Variants in CALN1 observed in about 807,000 individuals in gnomAD.
CALN1 encodes the protein calneuron 1, also known as calcium-binding protein 8.
Under a neutral mutation model 30.6 loss-of-function variants are expected in CALN1, and 17 were observed. The ratio of observed to expected loss-of-function variants is 0.56; its 90% confidence interval spans 0.38 to 0.83. The LOEUF is 0.83. CALN1 is among the 40% of genes least tolerant of loss of function. The pLI, the probability that CALN1 is intolerant of heterozygous loss-of-function variation, is 0.00. For missense variants in CALN1, 291 were observed against 354.9 expected, an observed-to-expected ratio of 0.82 and a Z score of 1.45; for synonymous variants, 156 against 131.4, an observed-to-expected ratio of 1.19 and a Z score of -1.28.
intron 5 of CALN1, among the ~76,000 whole-genome samples, chr7:71,827,670 G>A (rs550848846): frequency 6.6e-6 from 1 of 152,102 alleles, no homozygotes; most frequent in African/African-American, 2.4e-5. Context: ...TACTCAGGAG[G>A]CTGAGGCAGG....
intron 1 of CALN1, among the ~76,000 whole-genome samples, chr7:72,403,940 G>A (rs1038687110): frequency 2.0e-5 from 3 of 152,114 alleles, no homozygotes; most frequent in South Asian, 2.1e-4. Context: ...CAATCCCAGG[G>A]CAATACCCTC....
At chr7:72,102,366 A>G (rs891044052) in intron 4 of CALN1, among the ~76,000 whole-genome samples, 2 of 152,130 alleles carry the variant, frequency 1.3e-5, no homozygotes, top group African/African-American at 4.8e-5. Context: ...AATAGCTTCA[A>G]TCTGGGAGAT....
intron 4 of CALN1, among the ~76,000 whole-genome samples, chr7:72,038,223 C>G (rs1801919553): frequency 6.6e-6 from 1 of 152,126 alleles, no homozygotes; most frequent in Non-Finnish European, 1.5e-5. Context: ...TCCTGGAACA[C>G]AAGTACAGTG....
intron 2 of CALN1, among the ~76,000 whole-genome samples, chr7:72,360,716 G>A (rs998794425): frequency 2.7e-5 from 4 of 148,508 alleles, no homozygotes; most frequent in South Asian, 2.2e-4. Context: ...CGTTGTGCAC[G>A]TGTACCCTAG....
chr7:72,157,737 G>A (rs957877836), intron 3 of CALN1, among the ~76,000 whole-genome samples: 1 of 150,500 alleles, frequency 6.6e-6, no homozygotes, highest in Non-Finnish European at 1.5e-5. Flanking sequence ...TAGTCAGTTA[G>A]TTTGTTTGTT....
chr7:72,443,721 T>G (rs1187435190), intron 1 of CALN1, among the ~76,000 whole-genome samples: 3 of 151,782 alleles, frequency 2.0e-5, no homozygotes, highest in African/African-American at 4.8e-5. Flanking sequence ...TTAGCCCCCA[T>G]CCCTTTACTT....
At chr7:72,094,083 G>T (rs1393160313) in intron 4 of CALN1, among the ~76,000 whole-genome samples, 2 of 152,172 alleles carry the variant, frequency 1.3e-5, no homozygotes, top group African/African-American at 2.4e-5. Flanking sequence ...TTGTCTCTAA[G>T]CCCATGGCTA....
intron 2 of CALN1, among the ~76,000 whole-genome samples, chr7:72,282,638 T>C (rs932674154): frequency 6.6e-6 from 1 of 152,210 alleles, no homozygotes; most frequent in Non-Finnish European, 1.5e-5. Flanking sequence ...ACAAAATCTA[T>C]AGGTGTCTCG....
At chr7:72,129,678 G>A (rs575718235) in intron 3 of CALN1, among the ~76,000 whole-genome samples, 1 of 152,286 alleles carries the variant, frequency 6.6e-6, no homozygotes, top group African/African-American at 2.4e-5. Flanking sequence ...AAATAAAAAT[G>A]CTTGGTTCAA....
intron 2 of CALN1, among the ~76,000 whole-genome samples, chr7:72,316,208 T>C (rs1800435409): frequency 1.3e-5 from 2 of 151,750 alleles, no homozygotes; most frequent in Admixed American, 1.3e-4. Context: ...AGATGTGCAA[T>C]ATTTTTCATT....
At chr7:71,883,123 A>ATAGCTC (rs71092928) in intron 5 of CALN1, among the ~76,000 whole-genome samples, 18,935 of 151,986 alleles carry the variant, frequency 0.12, 1,717 homozygotes, top group East Asian at 0.43. Flanking sequence ...ATATATATCT[A>ATAGCTC]TAGCTCTATA....
At chr7:72,027,165 CA>C (rs2129530932) in intron 4 of CALN1, among the ~76,000 whole-genome samples, 1 of 152,228 alleles carries the variant, frequency 6.6e-6, no homozygotes, top group Non-Finnish European at 1.5e-5. Flanking sequence ...TACAAAATTT[CA>C]AGAGGGTGGG....
intron 3 of CALN1, among the ~76,000 whole-genome samples, chr7:72,217,446 G>T (rs916119276): frequency 6.6e-6 from 1 of 152,124 alleles, no homozygotes; most frequent in African/African-American, 2.4e-5. Flanking sequence ...CGCTCTCCCT[G>T]GCCCTGACAT....
chr7:72,151,700 A>G (rs761641415), intron 3 of CALN1, among the ~76,000 whole-genome samples: 16 of 151,752 alleles, frequency 1.1e-4, no homozygotes, highest in Non-Finnish European at 2.1e-4. Context: ...TGCCCAGCAG[A>G]TATCGTTTTT....
At chr7:72,003,861 T>C (rs545315997) in intron 5 of CALN1, among the ~76,000 whole-genome samples, 8 of 152,198 alleles carry the variant, frequency 5.3e-5, no homozygotes, top group East Asian at 3.9e-4. Context: ...CATGGAAAAA[T>C]TGTCTTCCAC....
At chr7:71,899,144 TC>T (rs1446734167) in intron 5 of CALN1, among the ~76,000 whole-genome samples, 5 of 139,912 alleles carry the variant, frequency 3.6e-5, no homozygotes, top group Non-Finnish European at 7.7e-5. Flanking sequence ...TGCAGAGACA[TC>T]TTTTTTTTTT....
At chr7:71,944,304 G>T (rs1796287806) in intron 5 of CALN1, among the ~76,000 whole-genome samples, 1 of 151,968 alleles carries the variant, frequency 6.6e-6, no homozygotes, top group East Asian at 1.9e-4. Flanking sequence ...AAAAAAATAA[G>T]AAAACAATGG....
intron 2 of CALN1, among the ~76,000 whole-genome samples, chr7:72,306,157 G>A (rs1229797132): frequency 2.6e-5 from 4 of 152,066 alleles, no homozygotes; most frequent in Non-Finnish European, 5.9e-5. Flanking sequence ...AGACAAGGAA[G>A]AAAATCAAAA....
chr7:71,989,744 A>G lies in CALN1; in HGVS notation c.501+33913T>C, dbSNP rs370991766. Among the ~76,000 whole-genome samples the G allele has an allele frequency of 1.7e-4, 26 of 152,332 alleles. No individual in the cohort carries two copies. In the South Asian group the frequency reaches 4.8e-3, roughly 28 times the overall value. On this transcript the variant is annotated intron_variant, in intron 5 of 6. Coordinates refer to ENST00000395275, the MANE Select transcript of CALN1 (RefSeq NM_031468.4). Reference sequence around the variant, plus strand: ...AAGGAAAATAAACATTATCCTGATTAGAGGAGAAAAACAACTCCAAAAATC... The same window carrying G: ...AAGGAAAATAAACATTATCCTGATTGGAGGAGAAAAACAACTCCAAAAATC...
Sources: gnomAD v4.1 joint callset for allele counts (sites outside exome capture counted in the v4.1 genomes callset) on GRCh38, gnomAD v4.1.1 for gene constraint, MANE v1.5 for transcripts, NCBI Gene and HGNC (gene_info 2026-07-23, HGNC 2026-07-21) for gene names.